The following CHCHD3 variants were observed in gnomAD, a reference collection of about 807,000 sequenced individuals.
The protein encoded by CHCHD3 is MICOS complex subunit MIC19.
CHCHD3 carries 20 observed loss-of-function variants against 38.2 expected under a neutral mutation model. The observed-to-expected ratio is 0.52, with a 90% CI of 0.37 to 0.76. CHCHD3 has a LOEUF of 0.76. CHCHD3 is among the 30% of genes least tolerant of loss of function. CHCHD3 has a pLI of 0.00. For synonymous variants in CHCHD3, 82 were observed against 100.0 expected (o/e 0.82, Z 1.07); for missense variants, 245 against 279.2 (o/e 0.88, Z 0.87).
intron 5 of CHCHD3, among the ~76,000 whole-genome samples, chr7:132,843,774 T>C (rs1009065247): frequency 6.6e-6 from 1 of 152,262 alleles, no homozygotes; most frequent in African/African-American, 2.4e-5. Flanking sequence ...TAATGTCATC[T>C]GTTTTCTTTG....
chr7:132,869,821 GA>G (rs1381318099), intron 5 of CHCHD3, among the ~76,000 whole-genome samples: 1 of 151,908 alleles, frequency 6.6e-6, no homozygotes, highest in Non-Finnish European at 1.5e-5. Flanking sequence ...TGGGCTCAGC[GA>G]GCCTCCTGCC....
At chr7:132,980,886 T>A (rs79277097) in intron 3 of CHCHD3, among the ~76,000 whole-genome samples, 2,855 of 152,308 alleles carry the variant, frequency 0.019, 105 homozygotes, top group African/African-American at 0.064. Flanking sequence ...CTCAAGTTTT[T>A]AAGAAAGTAG....
chr7:132,796,708 T>TTC, intron 6 of CHCHD3, 131 bp from the exon 7 acceptor site: 2 of 799,034 alleles, frequency 2.5e-6, no homozygotes, highest in East Asian at 2.6e-5. Flanking sequence ...AGAGAAAGAA[T>TTC]TTTCCTTAAA....
At chr7:132,819,333 G>C (rs1227720563) in intron 6 of CHCHD3, among the ~76,000 whole-genome samples, 2 of 152,170 alleles carry the variant, frequency 1.3e-5, no homozygotes, top group Admixed American at 1.3e-4. Context: ...TTGCACCTGT[G>C]AGTGAGTTAG....
At chr7:132,838,560 G>C in intron 5 of CHCHD3, 91 bp from the exon 6 acceptor site, 1 of 926,510 alleles carries the variant, frequency 1.1e-6, no homozygotes, top group Non-Finnish European at 1.7e-6. Flanking sequence ...ATAAAACCTT[G>C]TTTCAGCCAC....
At chr7:133,079,551 T>C (rs1456492962) in intron 1 of CHCHD3, among the ~76,000 whole-genome samples, 1 of 152,228 alleles carries the variant, frequency 6.6e-6, no homozygotes, top group Admixed American at 6.5e-5. Flanking sequence ...CCAGGTGCTT[T>C]ACATACCTTA....
chr7:133,021,505 T>C (rs899992987), intron 3 of CHCHD3, among the ~76,000 whole-genome samples: 1 of 152,224 alleles, frequency 6.6e-6, no homozygotes, highest in African/African-American at 2.4e-5. Context: ...ATATCCTTTA[T>C]GCTCCTAAAA....
rs139837719 is a variant in CHCHD3 at position 132,970,767 on chromosome 7, T to TA, written c.369+4401dup. 5.5e-3 allele frequency among the ~76,000 whole-genome samples: 805 copies of TA among 147,656 alleles called. 7 individuals carry two copies. Among genetic ancestry groups the TA allele is most frequent in the African/African-American group, 0.019 (759 of 40,314 alleles). On this transcript the variant is annotated intron_variant, in intron 4 of 7. Coordinates refer to ENST00000262570, the MANE Select transcript of CHCHD3 (RefSeq NM_017812.4). ...GAGACTTCTTTTTAACATTTAGATT[T>TA]AAAAAAAAAAGAAAAGAAGAGAAAA...
At chr7:132,914,264 A>C (rs1810045766) in intron 4 of CHCHD3, among the ~76,000 whole-genome samples, 1 of 152,094 alleles carries the variant, frequency 6.6e-6, no homozygotes, top group Admixed American at 6.5e-5. Context: ...CCGGGATTAC[A>C]GGCATGAGCC....
At chr7:132,991,397 T>C (rs1584627267) in intron 3 of CHCHD3, among the ~76,000 whole-genome samples, 1 of 152,246 alleles carries the variant, frequency 6.6e-6, no homozygotes, top group African/African-American at 2.4e-5. Context: ...TAGCTCTTAT[T>C]GTGCATGTGG....
chr7:132,785,505 A>G lies in CHCHD3; in HGVS notation c.*132T>C. On this transcript the variant is annotated 3_prime_UTR_variant, in exon 8 of 8. Coordinates refer to ENST00000262570, the MANE Select transcript of CHCHD3 (RefSeq NM_017812.4). ...AACGTGAAATGATTCTGCTGAATCC[A>G]TTCTTGATGTCTCTCTTTAGTGGTC... is the stretch of plus-strand genomic sequence containing the variant. 1 of 870,248 alleles carries G rather than the reference A, an allele frequency of 1.1e-6. No individual in the cohort carries two copies. The highest frequency in any genetic ancestry group is 1.9e-6 in the Non-Finnish European group (1 of 535,680). The allele number at this position is 870,248 out of a possible 1,614,324, so 53.9% of individuals were successfully genotyped here.
intron 3 of CHCHD3, among the ~76,000 whole-genome samples, chr7:133,006,838 G>A (rs1246113253): frequency 6.6e-6 from 1 of 152,124 alleles, no homozygotes; most frequent in East Asian, 1.9e-4. Context: ...AACCGTAAAT[G>A]TCTAATAGTG....
chr7:133,075,158 T>C (rs1298372825), intron 1 of CHCHD3, among the ~76,000 whole-genome samples: 9 of 152,226 alleles, frequency 5.9e-5, no homozygotes, highest in Admixed American at 5.2e-4. Context: ...AACTTTTTTT[T>C]CTTTTTGAGG....
intron 1 of CHCHD3, among the ~76,000 whole-genome samples, chr7:133,072,813 G>A (rs1419507801): frequency 7.2e-6 from 1 of 137,976 alleles, no homozygotes; most frequent in East Asian, 2.1e-4. Flanking sequence ...GCAACAGAGT[G>A]AGACTCCGTC....
intron 7 of CHCHD3, among the ~76,000 whole-genome samples, chr7:132,792,205 C>G (rs139923441): frequency 5.3e-5 from 8 of 152,306 alleles, no homozygotes; most frequent in African/African-American, 1.9e-4. Flanking sequence ...GTCACACTTC[C>G]CATGGTACTT....
At chr7:132,857,816 G>C (rs1022692127) in intron 5 of CHCHD3, among the ~76,000 whole-genome samples, 6 of 152,164 alleles carry the variant, frequency 3.9e-5, no homozygotes, top group Non-Finnish European at 7.4e-5. Context: ...ACTGGGTCTG[G>C]TTTTAGAAAT....
chr7:132,806,622 A>G (rs1806927141), intron 6 of CHCHD3, among the ~76,000 whole-genome samples: 1 of 152,194 alleles, frequency 6.6e-6, no homozygotes, highest in Admixed American at 6.5e-5. Context: ...AGACAAGTAA[A>G]TGAAGGAAAG....
chr7:133,071,974 TC>T (rs750300426), intron 1 of CHCHD3, among the ~76,000 whole-genome samples: 23 of 151,954 alleles, frequency 1.5e-4, no homozygotes, highest in Non-Finnish European at 2.9e-4. Flanking sequence ...GCACAAGAGA[TC>T]TTATTGGGGT....
At chr7:132,934,636 C>T (rs1810594070) in intron 4 of CHCHD3, among the ~76,000 whole-genome samples, 1 of 152,104 alleles carries the variant, frequency 6.6e-6, no homozygotes, top group African/African-American at 2.4e-5. Context: ...TGAAACAGGG[C>T]CATCATGGAG....
Sources: gnomAD v4.1 joint callset for allele counts (sites outside exome capture counted in the v4.1 genomes callset) on GRCh38, gnomAD v4.1.1 for gene constraint, MANE v1.5 for transcripts, NCBI Gene and HGNC (gene_info 2026-07-23, HGNC 2026-07-21) for gene names.